Variants in DMXL1 observed in about 807,000 individuals in gnomAD.
The protein encoded by DMXL1 is Dmx like 1.
Under a neutral mutation model 319.2 loss-of-function variants are expected in DMXL1, and 99 were observed. The ratio of observed to expected loss-of-function variants is 0.31; its 90% CI spans 0.26 to 0.37. The LOEUF is 0.37. Among genes scored for constraint, DMXL1 ranks in the 10% least tolerant of loss-of-function variants. The probability of loss-of-function intolerance (pLI) is 1.00; values close to 1 mark genes in which losing one functional copy is unlikely to be tolerated. For synonymous variants in DMXL1, 1,385 were observed against 1,235.2 expected, an observed-to-expected ratio of 1.12 and a Z score of -2.54; for missense variants, 3,745 against 3,595.6, an observed-to-expected ratio of 1.04 and a Z score of -1.06.
At chr5:119,071,703 G>A (rs371136759) in intron 1 of DMXL1, 47 bp downstream of exon 1, 6 of 1,517,870 alleles carry the variant, frequency 4.0e-6, no homozygotes, top group Non-Finnish European at 5.3e-6. Context: ...GCCTTTGCCC[G>A]TCATTCTGGG....
At chr5:119,175,590 G>A (rs1394297020) in intron 26 of DMXL1, among the ~76,000 whole-genome samples, 1 of 152,056 alleles carries the variant, frequency 6.6e-6, no homozygotes, top group African/African-American at 2.4e-5. Context: ...GATTGGCACT[G>A]AGAATTTTAA....
intron 13 of DMXL1, among the ~76,000 whole-genome samples, chr5:119,138,252 GA>G (rs567557370): frequency 6.6e-6 from 1 of 151,990 alleles, no homozygotes; most frequent in Admixed American, 6.5e-5. Flanking sequence ...GTATGTGTGA[GA>G]AAAAAAGAGG....
At chr5:119,080,789 T>C (rs1433506406) in intron 1 of DMXL1, among the ~76,000 whole-genome samples, 1 of 152,192 alleles carries the variant, frequency 6.6e-6, no homozygotes, top group East Asian at 1.9e-4. Flanking sequence ...CTCATCACTT[T>C]TCCTCCTCTC....
chr5:119,164,679 A>G lies in DMXL1; in HGVS notation c.4872+3A>G. ...TCTTACGCAAATGCATAGAAAAAGT[A>G]AGTGTTTTATTTTGGTGTATAAGTG... On this transcript the variant is annotated splice_donor_region_variant and intron_variant, in intron 20 of 43. Transcript: ENST00000539542. 6.3e-7 allele frequency: 1 copy of G among 1,589,378 alleles called. No individual in the cohort carries two copies. Among genetic ancestry groups the G allele is most frequent in the Non-Finnish European group, 8.6e-7 (1 of 1,163,994 alleles).
chr5:119,197,875 A>G lies in DMXL1; in HGVS notation c.7664A>G (p.His2555Arg). The stretch of plus-strand genomic sequence containing the variant: ...CCACCTCAAAATTATATCGCAAGTC[A>G]TACCGCCGAAGAGAGTTTGTCTGCA... The part of the protein sequence containing the change: ...GGPPQNYIAS[H>R]TAEESLSAGP... The change falls in exon 32 of 44, where the codon CAT becomes CGT. Residue 2555 changes from histidine (H) to arginine (R), a missense_variant. His to Arg is a conservative substitution (Grantham distance 29). Coordinates refer to ENST00000539542, the MANE Select transcript of DMXL1 (RefSeq NM_001290321.3). 8.7e-6 allele frequency: 14 copies of G among 1,614,220 alleles called. No homozygotes were observed. Among genetic ancestry groups the G allele is most frequent in the Non-Finnish European group, 1.2e-5 (14 of 1,180,030 alleles).
chr5:119,165,228 G>A lies in DMXL1; in HGVS notation c.4918G>A (p.Ala1640Thr). 6.2e-7 allele frequency: 1 copy of A among 1,604,356 alleles called. No homozygotes were observed. Among genetic ancestry groups the A allele is most frequent in the South Asian group, 1.1e-5 (1 of 88,842 alleles). Residue 1640 changes from alanine to threonine, a missense_variant, in exon 21 of 44, where the codon GCC (alanine) becomes ACC (threonine). This residue lies in a region of DMXL1 where 2,096 missense variants were observed against 1,985.4 expected (regional missense o/e 1.06). Transcript: ENST00000539542. ...FYRKNDPLDA[A>T]IFYLAMKKKA... The stretch of plus-strand genomic sequence containing the variant: ...TAGAAAGAATGATCCTTTAGATGCT[G>A]CCATTTTTTACCTTGCAATGAAAAA...
Position 119,133,469 on chromosome 5 carries a change from C to T in DMXL1, c.1570-25C>T, listed in dbSNP as rs747848416. 1.2e-5 allele frequency: 19 copies of T among 1,589,108 alleles called. No homozygotes were observed. In the Admixed American group the frequency reaches 3.1e-4, roughly 26 times the overall value. On this transcript the variant is annotated intron_variant, in intron 11 of 43. Transcript: ENST00000539542. ...ACCTCTTTATATAATTTTATATGTT[C>T]TAACACTTGCTTTCTTGATTCTAGG...
rs774601397 is a variant in DMXL1 at position 119,233,374 on chromosome 5, G to C, written c.8373G>C (p.Met2791Ile). Residue 2791 changes from methionine (M) to isoleucine (I), a missense_variant, in exon 39 of 44, where the codon ATG (methionine) becomes ATC (isoleucine). Coordinates refer to ENST00000539542, the MANE Select transcript of DMXL1 (RefSeq NM_001290321.3). ...GAGCTCAAGATGGAAGTGTCAGAAT[G>C]TTTGAATGGGGCCATTCTCAACAAA... ...LTGAQDGSVR[M>I]FEWGHSQQIT... 1.2e-6 allele frequency: 2 copies of C among 1,612,998 alleles called. No homozygotes were observed. Among genetic ancestry groups the C allele is most frequent in the Admixed American group, 3.3e-5 (2 of 59,960 alleles).
rs757565979 is a variant in DMXL1 at position 119,170,692 on chromosome 5, A to G, written c.5901A>G (p.Lys1967=). 1.2e-6 allele frequency: 2 copies of G among 1,613,592 alleles called. No individual in the cohort carries two copies. Among genetic ancestry groups the G allele is most frequent in the Non-Finnish European group, 1.7e-6 (2 of 1,179,888 alleles). The stretch of plus-strand genomic sequence containing the variant: ...TTCAGGATGACTCTTTAGAGTTAAA[A>G]TGGGACAGTGATAATGATGAAGAAA... The part of the protein sequence containing the change: ...VVFQDDSLEL[K]WDSDNDEENE... The change falls in exon 24 of 44, where the codon AAA becomes AAG. Residue 1967 remains lysine, a synonymous_variant. Coordinates refer to ENST00000539542, the MANE Select transcript of DMXL1 (RefSeq NM_001290321.3).
intron 4 of DMXL1, among the ~76,000 whole-genome samples, chr5:119,105,894 TCA>T (rs1758234018): frequency 7.7e-6 from 1 of 129,868 alleles, no homozygotes. Context: ...TGAAACTGTC[TCA>T]AAAAAAAAAA....
chr5:119,071,763 A>G (rs572632317), intron 1 of DMXL1, 107 bp downstream of exon 1: 8 of 1,046,584 alleles, frequency 7.6e-6, no homozygotes, highest in Middle Eastern at 3.1e-4. Context: ...TTGTCTCCCC[A>G]GGGGGGTCCT....
At chr5:119,233,713 A>C (rs758515575) in intron 39 of DMXL1, among the ~76,000 whole-genome samples, 1 of 152,168 alleles carries the variant, frequency 6.6e-6, no homozygotes, top group Non-Finnish European at 1.5e-5. Flanking sequence ...AGTTCACCTT[A>C]TATTACACAC....
In DMXL1 at chr5:119,249,126, T is replaced by G. The variant is rs1332996369; in HGVS notation, c.*1907T>G. On this transcript the variant is annotated 3_prime_UTR_variant, in exon 44 of 44. Transcript: ENST00000539542. ...TTAAATAAACAATCATGCAGAAACT[T>G]TTTTAGGGGGTATACTATTGTTTTA... is the stretch of plus-strand genomic sequence containing the variant. 6.6e-6 allele frequency: 1 copy of G among 152,484 alleles called. No homozygotes were observed. The highest frequency in any genetic ancestry group is 6.6e-5 in the Admixed American group (1 of 15,266). 9.4% of individuals were successfully genotyped at this position (152,484 alleles called of 1,614,324 possible).
intron 34 of DMXL1, among the ~76,000 whole-genome samples, chr5:119,213,028 T>C (rs947415150): frequency 6.6e-5 from 10 of 152,218 alleles, no homozygotes; most frequent in African/African-American, 2.4e-4. Context: ...TGAACATGTT[T>C]GGAGGAAAAG....
At position 119,168,001 on chromosome 5, in the gene DMXL1, T is replaced by G. The variant is rs140277001; in HGVS notation, c.5398+137T>G. 1.4e-3 allele frequency: 1,082 copies of G among 770,220 alleles called. 3 individuals are homozygous for G. Among genetic ancestry groups the G allele is most frequent in the African/African-American group, 5.0e-3 (274 of 54,346 alleles). 47.7% of individuals were successfully genotyped at this position (770,220 alleles called of 1,614,324 possible). ...CTTTATAACAGTTTTTGGTTGGTTG[T>G]TTGGTTTTTTTCTCCAGAAAGATAA... On this transcript the variant is annotated intron_variant, in intron 23 of 43. Coordinates refer to ENST00000539542, the MANE Select transcript of DMXL1 (RefSeq NM_001290321.3).
intron 1 of DMXL1, among the ~76,000 whole-genome samples, chr5:119,084,904 T>A (rs113222824): frequency 1.3e-5 from 2 of 151,574 alleles, no homozygotes; most frequent in East Asian, 3.9e-4. Context: ...GTCTTCTGTG[T>A]GGTCATTTTA....
At chr5:119,096,240 G>T (rs989131332) in intron 1 of DMXL1, among the ~76,000 whole-genome samples, 1 of 150,446 alleles carries the variant, frequency 6.6e-6, no homozygotes, top group Non-Finnish European at 1.5e-5. Context: ...GCAGTGGCGC[G>T]ATCTCAGCTT....
intron 6 of DMXL1, among the ~76,000 whole-genome samples, chr5:119,114,761 C>T (rs569852053): frequency 9.9e-5 from 15 of 152,218 alleles, no homozygotes; most frequent in African/African-American, 3.4e-4. Context: ...CTCTGCCTCC[C>T]AGGTTAAAGC....
At chr5:119,167,040 C>A (rs1053524433) in intron 22 of DMXL1, among the ~76,000 whole-genome samples, 5 of 151,938 alleles carry the variant, frequency 3.3e-5, no homozygotes, top group Admixed American at 6.6e-5. Flanking sequence ...TGAGAATATT[C>A]AAAAAATTAA....
Sources: allele counts gnomAD v4.1 joint callset (sites outside exome capture counted in the v4.1 genomes callset), GRCh38; gene constraint gnomAD v4.1.1; regional missense constraint gnomAD v4.1.1; transcripts MANE v1.5; gene names NCBI Gene and HGNC (gene_info 2026-07-23, HGNC 2026-07-21).